HOMER1: variants seen among roughly 807,000 people sequenced by gnomAD.
HOMER1 encodes the protein homer scaffold protein 1.
Under a neutral mutation model 48.9 loss-of-function variants are expected in HOMER1, and 3 were observed. That is an observed-to-expected ratio of 0.06 (90% confidence interval 0.03 to 0.16). HOMER1 has a LOEUF of 0.16. HOMER1 is among the 10% of genes least tolerant of loss of function. HOMER1 has a pLI of 1.00. For synonymous variants in HOMER1, 134 were observed against 146.4 expected, an observed-to-expected ratio of 0.92 and a Z score of 0.61; for missense variants, 247 against 411.4, an observed-to-expected ratio of 0.60 and a Z score of 3.46.
chr5:79,417,832 A>G (rs1055628507), intron 5 of HOMER1, among the ~76,000 whole-genome samples: 2 of 152,232 alleles, frequency 1.3e-5, no homozygotes, highest in Non-Finnish European at 2.9e-5. Flanking sequence ...GTTGGGAAAT[A>G]ATAATTTAAA....
At chr5:79,404,126 A>T (rs573589551) in intron 5 of HOMER1, among the ~76,000 whole-genome samples, 1 of 152,354 alleles carries the variant, frequency 6.6e-6, no homozygotes, top group East Asian at 1.9e-4. Flanking sequence ...CTGACGATTG[A>T]CATCTTAGTG....
chr5:79,511,030 C>A (rs2112388938), intron 1 of HOMER1: 2 of 312,272 alleles, frequency 6.4e-6, no homozygotes, highest in East Asian at 1.1e-4. Context: ...AAAAAAAATT[C>A]ATCCTAAGCT....
intron 5 of HOMER1, among the ~76,000 whole-genome samples, chr5:79,421,294 G>T (rs1401824824): frequency 1.3e-5 from 2 of 152,172 alleles, no homozygotes; most frequent in East Asian, 1.9e-4. Flanking sequence ...CCGAAAACTT[G>T]TAGAACAAGT....
chr5:79,409,392 G>A (rs1307961852), intron 5 of HOMER1, among the ~76,000 whole-genome samples: 23 of 146,938 alleles, frequency 1.6e-4, no homozygotes, highest in South Asian at 6.4e-4. Context: ...AGACTGCTCC[G>A]TTGCACCCCA....
At chr5:79,443,420 T>C (rs944797612) in intron 4 of HOMER1, among the ~76,000 whole-genome samples, 2 of 152,204 alleles carry the variant, frequency 1.3e-5, no homozygotes, top group Non-Finnish European at 2.9e-5. Flanking sequence ...TCAGACAGTC[T>C]GGGAGTGGAG....
chr5:79,416,024 G>A (rs1749934563), intron 5 of HOMER1, among the ~76,000 whole-genome samples: 1 of 152,116 alleles, frequency 6.6e-6, no homozygotes, highest in Non-Finnish European at 1.5e-5. Flanking sequence ...CAAAAAATGG[G>A]ACACTCAGAT....
At position 79,451,205 on chromosome 5, in the gene HOMER1, CTTAAGA is replaced by C. The variant is rs1340690886; in HGVS notation, c.163-90_163-85del. ...ACAAGACCATTCAGTTACATAAAAG[CTTAAGA>C]TTATCAATAAGCCACAACGTTAAAT... is the stretch of plus-strand genomic sequence containing the variant. On this transcript the variant is annotated intron_variant, in intron 2 of 8. Coordinates refer to ENST00000334082, the MANE Select transcript of HOMER1 (RefSeq NM_004272.5). The C allele has an allele frequency of 3.6e-5, 51 of 1,403,890 alleles. No homozygotes were observed. In the South Asian group the frequency reaches 5.4e-4, roughly 15 times the overall value. The allele number at this position is 1,403,890 out of a possible 1,614,324, so 87.0% of individuals were successfully genotyped here. A position where few individuals can be genotyped will look rare whatever the true frequency, so the allele number is the denominator to read the frequency against.
At position 79,378,222 on chromosome 5, in the gene HOMER1, C is replaced by CAA. The variant is rs58802660; in HGVS notation, c.877-2027_877-2026dup. Among the ~76,000 whole-genome samples the CAA allele has an allele frequency of 8.9e-4, 76 of 85,502 alleles. 1 individual carries two copies. The highest frequency in any genetic ancestry group is 6.8e-3 in the Middle Eastern group (1 of 148). 56.1% of individuals were successfully genotyped at this position (85,502 alleles called of 152,430 possible). Reference sequence around the variant, plus strand: ...GGGGTGACAGAGTAAGACTCTGTCTCAAAAAAAAAAAAAAAAAAAGGAAAT... The same window carrying CAA: ...GGGGTGACAGAGTAAGACTCTGTCTCAAAAAAAAAAAAAAAAAAAAAGGAAAT... On this transcript the variant is annotated intron_variant, in intron 8 of 8. Coordinates refer to ENST00000334082, the MANE Select transcript of HOMER1 (RefSeq NM_004272.5).
chr5:79,489,755 C>T (rs1328429252), intron 1 of HOMER1, among the ~76,000 whole-genome samples: 3 of 152,132 alleles, frequency 2.0e-5, no homozygotes, highest in Non-Finnish European at 4.4e-5. Context: ...TTCTATTCAA[C>T]TTAGACTACA....
chr5:79,388,222 A>G (rs1296524388), intron 8 of HOMER1, among the ~76,000 whole-genome samples: 1 of 152,218 alleles, frequency 6.6e-6, no homozygotes, highest in Non-Finnish European at 1.5e-5. Flanking sequence ...TCCAAAAAGC[A>G]GAAGATAAAA....
At chr5:79,434,930 A>G (rs1220994778) in intron 5 of HOMER1, among the ~76,000 whole-genome samples, 4 of 152,200 alleles carry the variant, frequency 2.6e-5, no homozygotes, top group African/African-American at 9.6e-5. Context: ...GTTTTTCAAA[A>G]GTCCAAAAGT....
chr5:79,424,927 G>A (rs183633058), intron 5 of HOMER1, among the ~76,000 whole-genome samples: 4 of 152,140 alleles, frequency 2.6e-5, no homozygotes, highest in African/African-American at 4.8e-5. Flanking sequence ...GGGATGCCAC[G>A]CCAAGTCATT....
intron 5 of HOMER1, among the ~76,000 whole-genome samples, chr5:79,438,166 T>A (rs1041348017): frequency 3.3e-5 from 5 of 152,206 alleles, no homozygotes; most frequent in Admixed American, 2.6e-4. Context: ...AGGATTTTTT[T>A]AAAATTGGTC....
chr5:79,373,139 A>G lies in HOMER1; in HGVS notation c.*2870T>C, dbSNP rs917092837. On this transcript the variant is annotated 3_prime_UTR_variant, in exon 9 of 9. Transcript: ENST00000334082. The stretch of plus-strand genomic sequence containing the variant: ...TATGTCAAAGTTAGGATTTCACAAC[A>G]TAACACACTAATGCAAAATCCAGTA... The G allele has an allele frequency of 3.3e-5, 5 of 152,168 alleles. No individual in the cohort carries two copies. Among genetic ancestry groups the G allele is most frequent in the African/African-American group, 1.2e-4 (5 of 41,478 alleles). The allele number at this position is 152,168 out of a possible 1,614,324, so 9.4% of individuals were successfully genotyped here. A position where few individuals can be genotyped will look rare whatever the true frequency, so the allele number is the denominator to read the frequency against.
At chr5:79,467,922 G>A (rs1179800749) in intron 1 of HOMER1, among the ~76,000 whole-genome samples, 2 of 152,072 alleles carry the variant, frequency 1.3e-5, no homozygotes, top group Non-Finnish European at 2.9e-5. Flanking sequence ...GACTACAGAT[G>A]AGCGTGCACC....
intron 8 of HOMER1, among the ~76,000 whole-genome samples, chr5:79,388,737 G>T (rs970538845): frequency 1.3e-5 from 2 of 151,952 alleles, no homozygotes; most frequent in African/African-American, 4.8e-5. Context: ...AGGAAAAATA[G>T]ATTTGAATAA....
chr5:79,485,888 G>C (rs1168002792), intron 1 of HOMER1, among the ~76,000 whole-genome samples: 1 of 152,218 alleles, frequency 6.6e-6, no homozygotes, highest in Non-Finnish European at 1.5e-5. Context: ...TCAAGAGGTA[G>C]AGTCCATGTG....
chr5:79,408,861 T>C (rs563727983), intron 5 of HOMER1, among the ~76,000 whole-genome samples: 360 of 151,988 alleles, frequency 2.4e-3, no homozygotes, highest in African/African-American at 8.3e-3. Context: ...CATGAGTGAA[T>C]CACTTGAGGC....
At chr5:79,411,807 C>G (rs144331690) in intron 5 of HOMER1, among the ~76,000 whole-genome samples, 1 of 152,256 alleles carries the variant, frequency 6.6e-6, no homozygotes, top group Admixed American at 6.5e-5. Flanking sequence ...TTCCGATACT[C>G]TTTCAAAAAA....
Sources: allele counts gnomAD v4.1 joint callset (sites outside exome capture counted in the v4.1 genomes callset), GRCh38; gene constraint gnomAD v4.1.1; transcripts MANE v1.5; gene names NCBI Gene and HGNC (gene_info 2026-07-23, HGNC 2026-07-21).